The following UBXN8 variants were observed in gnomAD, a reference collection of about 807,000 sequenced individuals.
The protein encoded by UBXN8 is UBX domain-containing protein 8.
In UBXN8, 27 loss-of-function variants were observed where a neutral mutation model predicts 32.1. The ratio of observed to expected loss-of-function variants is 0.84; its 90% CI spans 0.62 to 1.16. The LOEUF (loss-of-function observed/expected upper bound fraction) is 1.16. Ranked by LOEUF, UBXN8 falls within the 50% of genes most tolerant of loss-of-function variation. UBXN8 has a pLI of 0.00. For missense variants in UBXN8, 306 were observed against 311.4 expected, an observed-to-expected ratio of 0.98 and a Z score of 0.13; for synonymous variants, 109 against 111.8, an observed-to-expected ratio of 0.98 and a Z score of 0.16.
At position 30,766,252 on chromosome 8, in the gene UBXN8, T is replaced by C; in HGVS notation, c.671T>C (p.Ile224Thr). Residue 224 changes from isoleucine (I) to threonine (T), a missense_variant, in exon 8 of 8, where the codon ATT becomes ACT. By Grantham distance (89) the Ile-to-Thr change is moderately conservative. Transcript: ENST00000265616. Reference sequence around the variant, plus strand: ...GTCTTATTTGACTGGATGACGAGAATTGGGTACCACATATCTCTATACAGC... The same window carrying C: ...GTCTTATTTGACTGGATGACGAGAACTGGGTACCACATATCTCTATACAGC... ...SQVLFDWMTRIGYHISLYSLS... is the reference protein window; with the variant it reads ...SQVLFDWMTRTGYHISLYSLS... 2 of 1,612,870 alleles carry C rather than the reference T, an allele frequency of 1.2e-6. No individual in the cohort carries two copies. Among genetic ancestry groups the C allele is most frequent in the Non-Finnish European group, 1.7e-6 (2 of 1,179,302 alleles).
chr8:30,733,101 C>T (rs1442690365), exon 1 of UBXN8: 2 of 152,364 alleles, frequency 1.3e-5, no homozygotes, highest in South Asian at 2.1e-4. Flanking sequence ...CTCTAGCAGA[C>T]CTGACCTCCG....
chr8:30,741,658 G>A (rs961865862), upstream of UBXN8, among the ~76,000 whole-genome samples: 3 of 151,922 alleles, frequency 2.0e-5, no homozygotes, highest in African/African-American at 7.3e-5. Flanking sequence ...CACCATGTTG[G>A]CCAGGATGGT....
intron 7 of UBXN8, 142 bp downstream of exon 7, chr8:30,763,489 A>C: frequency 2.5e-6 from 2 of 799,348 alleles, no homozygotes; most frequent in Non-Finnish European, 4.0e-6. Context: ...CAGGTACTCC[A>C]CGTTGCAGAA....
intron 3 of UBXN8, 58 bp downstream of exon 3, chr8:30,753,163 A>G: frequency 7.0e-7 from 1 of 1,426,888 alleles, no homozygotes; most frequent in Non-Finnish European, 9.2e-7. Context: ...CTCTGAGGCA[A>G]TTAAAATTAA....
At chr8:30,744,356 G>T (rs1805301756) in intron 1 of UBXN8, 79 bp downstream of exon 1, 6 of 1,404,738 alleles carry the variant, frequency 4.3e-6, no homozygotes, top group Non-Finnish European at 5.9e-6. Flanking sequence ...CCGCCTCTTC[G>T]GCTGCGTGGC....
At chr8:30,740,971 C>T (rs1174075874), upstream of UBXN8, among the ~76,000 whole-genome samples, 1 of 152,162 alleles carries the variant, frequency 6.6e-6, no homozygotes, top group Non-Finnish European at 1.5e-5. Flanking sequence ...GGCAAATCAC[C>T]TTCCTTGTCA....
At chr8:30,740,236 A>G (rs899217996), upstream of UBXN8, among the ~76,000 whole-genome samples, 29 of 151,620 alleles carry the variant, frequency 1.9e-4, no homozygotes, top group African/African-American at 6.1e-4. Context: ...CTGGGTATGC[A>G]TACATTGGAA....
At chr8:30,754,564 G>A in intron 3 of UBXN8, 101 bp from the exon 4 acceptor site, 1 of 1,445,236 alleles carries the variant, frequency 6.9e-7, no homozygotes, top group Non-Finnish European at 9.2e-7. Context: ...TGTTCAGCCA[G>A]CAGGGTTCTT....
intron 1 of UBXN8, among the ~76,000 whole-genome samples, chr8:30,745,383 G>C (rs1420072592): frequency 6.6e-6 from 1 of 152,136 alleles, no homozygotes; most frequent in African/African-American, 2.4e-5. Flanking sequence ...AAACTGTGGA[G>C]ATGCTGAGAA....
chr8:30,733,651 A>G (rs1805016950), intron 1 of UBXN8, among the ~76,000 whole-genome samples: 1 of 152,098 alleles, frequency 6.6e-6, no homozygotes. Flanking sequence ...GAGGAAAAGG[A>G]CTTTCTCCAG....
At chr8:30,737,001 T>C (rs1352375239) in intron 1 of UBXN8, among the ~76,000 whole-genome samples, 6 of 152,192 alleles carry the variant, frequency 3.9e-5, no homozygotes, top group African/African-American at 1.4e-4. Context: ...TATCTGTTCT[T>C]GGGAATAATG....
chr8:30,755,927 A>G (rs559296722), intron 4 of UBXN8, among the ~76,000 whole-genome samples: 261 of 151,974 alleles, frequency 1.7e-3, no homozygotes, highest in African/African-American at 6.1e-3. Context: ...TATATATTAT[A>G]TATTCTGATT....
chr8:30,759,038 T>C (rs1340881218), intron 5 of UBXN8, among the ~76,000 whole-genome samples: 7 of 150,890 alleles, frequency 4.6e-5, no homozygotes, highest in African/African-American at 1.7e-4. Context: ...GGACTACAGG[T>C]GCCCGCCACC....
At chr8:30,732,573 G>A (rs74323327), upstream of UBXN8, 4,373 of 279,906 alleles carry the variant, frequency 0.016, 52 homozygotes, top group South Asian at 0.026. Context: ...GGAGGGGACC[G>A]GGAACCTTTT....
chr8:30,763,252 A>C (rs778669314), intron 6 of UBXN8, 21 bp from the exon 7 acceptor site: 2 of 1,611,740 alleles, frequency 1.2e-6, no homozygotes, highest in South Asian at 2.2e-5. Context: ...CGGAGTTCTT[A>C]TGTGAATATT....
chr8:30,755,760 G>GA (rs34287599), intron 4 of UBXN8, among the ~76,000 whole-genome samples: 59,093 of 89,090 alleles, frequency 0.66, 20,246 homozygotes, highest in Non-Finnish European at 0.77. Context: ...CCTTTCTCCA[G>GA]AAAAAAAAAA....
intron 1 of UBXN8, among the ~76,000 whole-genome samples, chr8:30,748,326 T>C (rs1420295483): frequency 6.6e-6 from 1 of 151,698 alleles, no homozygotes; most frequent in East Asian, 1.9e-4. Flanking sequence ...ATATATATTA[T>C]CTGATGGCCC....
At chr8:30,752,886 AC>A in intron 2 of UBXN8, 148 bp from the exon 3 acceptor site, 2 of 916,462 alleles carry the variant, frequency 2.2e-6, no homozygotes. Context: ...ATACTATTCA[AC>A]CCAAACATAA....
At chr8:30,732,315 G>T (rs575806686), upstream of UBXN8, 12 of 398,354 alleles carry the variant, frequency 3.0e-5, no homozygotes, top group South Asian at 1.4e-3. Context: ...TCCGGCACCT[G>T]GAGGACTGTG....
Sources: allele counts gnomAD v4.1 joint callset (sites outside exome capture counted in the v4.1 genomes callset), GRCh38; gene constraint gnomAD v4.1.1; transcripts MANE v1.5; gene names NCBI Gene and HGNC (gene_info 2026-07-23, HGNC 2026-07-21).